Variants in JAK1 observed in about 807,000 individuals in gnomAD.
The protein encoded by JAK1 is tyrosine-protein kinase JAK1.
In JAK1, 16 loss-of-function variants were observed where a neutral mutation model predicts 136.6. That is an observed-to-expected ratio of 0.12 (90% CI 0.08 to 0.18). The LOEUF (loss-of-function observed/expected upper bound fraction) is 0.18. Ranked by LOEUF, JAK1 falls within the 10% of genes least tolerant of loss-of-function variation. JAK1 has a pLI of 1.00. For synonymous variants in JAK1, 492 were observed against 519.5 expected (o/e 0.95, Z 0.72); for missense variants, 859 against 1,450.1 (o/e 0.59, Z 6.62).
At chr1:64,853,042 T>C (rs911139578) in intron 11 of JAK1, among the ~76,000 whole-genome samples, 2 of 152,166 alleles carry the variant, frequency 1.3e-5, no homozygotes, top group African/African-American at 2.4e-5. Context: ...TTTTTATTTA[T>C]CCCATGAAGA....
chr1:65,033,527 C>A (rs1242787859), intron 2 of JAK1, among the ~76,000 whole-genome samples: 1 of 151,854 alleles, frequency 6.6e-6, no homozygotes, highest in Admixed American at 6.6e-5. Flanking sequence ...GAATACAACT[C>A]TTAAATTATA....
chr1:65,041,164 C>G (rs1647128751), intron 2 of JAK1, among the ~76,000 whole-genome samples: 1 of 152,122 alleles, frequency 6.6e-6, no homozygotes, highest in Non-Finnish European at 1.5e-5. Context: ...GCCTGGCTGT[C>G]GCACGGGTCG....
intron 1 of JAK1, among the ~76,000 whole-genome samples, chr1:64,958,914 T>C (rs772303990): frequency 3.3e-5 from 5 of 152,230 alleles, no homozygotes; most frequent in Non-Finnish European, 5.9e-5. Flanking sequence ...ATTTCTACTT[T>C]ATATTCAGAC....
chr1:65,001,114 G>T (rs1204856932), intron 2 of JAK1, among the ~76,000 whole-genome samples: 1 of 152,050 alleles, frequency 6.6e-6, no homozygotes, highest in African/African-American at 2.4e-5. Flanking sequence ...TGCTCTAGTT[G>T]GGCAGTGATT....
At chr1:64,913,936 C>A (rs1487614654) in intron 1 of JAK1, among the ~76,000 whole-genome samples, 6 of 152,144 alleles carry the variant, frequency 3.9e-5, no homozygotes, top group Non-Finnish European at 8.8e-5. Context: ...GTGGTCCTTT[C>A]ACAAAGTGCA....
intron 1 of JAK1, among the ~76,000 whole-genome samples, chr1:64,944,794 T>C (rs1331875778): frequency 2.7e-5 from 4 of 150,544 alleles, no homozygotes; most frequent in Non-Finnish European, 5.9e-5. Flanking sequence ...TTAACAAAGG[T>C]TGTGAGAGTC....
At chr1:64,886,751 TACACACACACACACACACACACAC>T (rs3838404) in intron 1 of JAK1, among the ~76,000 whole-genome samples, 2 of 138,864 alleles carry the variant, frequency 1.4e-5, no homozygotes, top group East Asian at 2.2e-4. Context: ...CAACCTTGTC[TACACACACACACACACACACACAC>T]ACACACACAC....
chr1:64,872,624 G>C (rs924869574), intron 5 of JAK1, among the ~76,000 whole-genome samples: 3 of 152,190 alleles, frequency 2.0e-5, no homozygotes, highest in Admixed American at 1.3e-4. Context: ...CATCTTAGCA[G>C]GTACAAGTGC....
intron 1 of JAK1, among the ~76,000 whole-genome samples, chr1:64,932,710 G>A (rs144381472): frequency 6.6e-6 from 1 of 151,980 alleles, no homozygotes; most frequent in Non-Finnish European, 1.5e-5. Flanking sequence ...TAACGCTATG[G>A]TTTGTTTTTT....
intron 15 of JAK1, among the ~76,000 whole-genome samples, 156 bp from the exon 16 acceptor site, chr1:64,845,045 C>T (rs1402471639): frequency 6.6e-6 from 1 of 152,234 alleles, no homozygotes; most frequent in Non-Finnish European, 1.5e-5. Context: ...AGGCACATCA[C>T]AGGTGCCCCT....
chr1:65,056,806 C>G (rs1240308828), intron 1 of JAK1, among the ~76,000 whole-genome samples: 1 of 151,924 alleles, frequency 6.6e-6, no homozygotes, highest in Non-Finnish European at 1.5e-5. Context: ...CACCTGTAAT[C>G]CCAGCTACTC....
In JAK1 at chr1:64,869,786, C is replaced by T. The variant is rs151268587; in HGVS notation, c.484-312G>A. 1.7e-4 allele frequency among the ~76,000 whole-genome samples: 26 copies of T among 152,274 alleles called. No homozygotes were observed. The East Asian group carries it at 4.4e-3, about 26-fold the overall frequency. ...AACACTGTGTACTAGGCCTGGACTG[C>T]GCCAGAGCAAGGGAAGGTGACACTG... On this transcript the variant is annotated intron_variant, in intron 5 of 24. Transcript: ENST00000342505.
intron 2 of JAK1, among the ~76,000 whole-genome samples, chr1:65,001,196 A>C (rs1646752995): frequency 6.6e-6 from 1 of 152,212 alleles, no homozygotes; most frequent in Non-Finnish European, 1.5e-5. Context: ...TCATTCGCCG[A>C]TTTCACTTTT....
chr1:64,971,058 A>T (rs1646447781), upstream of JAK1, among the ~76,000 whole-genome samples: 1 of 152,228 alleles, frequency 6.6e-6, no homozygotes, highest in Non-Finnish European at 1.5e-5. Flanking sequence ...TTAGATGCAA[A>T]CAATGATGTT....
intron 2 of JAK1, among the ~76,000 whole-genome samples, chr1:64,988,982 ATGTG>A (rs1244529592): frequency 8.6e-5 from 11 of 128,584 alleles, no homozygotes; most frequent in African/African-American, 2.0e-4. Context: ...ATATATGTAT[ATGTG>A]TGTGTGTGTG....
chr1:64,856,931 C>G, intron 10 of JAK1, among the ~76,000 whole-genome samples: 1 of 152,222 alleles, frequency 6.6e-6, no homozygotes, highest in East Asian at 1.9e-4. Flanking sequence ...GGAGCCTAAC[C>G]AGTACTGATT....
At chr1:64,891,359 GT>G (rs1644933466) in intron 1 of JAK1, among the ~76,000 whole-genome samples, 1 of 152,136 alleles carries the variant, frequency 6.6e-6, no homozygotes, top group Non-Finnish European at 1.5e-5. Context: ...GTCTTCTCTG[GT>G]TTTTTAGTAC....
At chr1:64,860,929 CGTGTGT>C (rs577274261) in intron 8 of JAK1, among the ~76,000 whole-genome samples, 1,240 of 47,970 alleles carry the variant, frequency 0.026, 50 homozygotes, top group African/African-American at 0.038. Flanking sequence ...CCCCTGGGTC[CGTGTGT>C]GTGTGTGTGT....
rs2100999687 is a variant in JAK1, at chr1:64,845,495, A to T, written c.2115+18T>A. ...CTGGTTTCTGGTGGGACCATTATGG[A>T]CATCAGGACATTCTCACCAAGTAGC... On this transcript the variant is annotated intron_variant, in intron 15 of 24. Coordinates refer to ENST00000342505, the MANE Select transcript of JAK1 (RefSeq NM_002227.4). 1 of 1,614,038 alleles carries T rather than the reference A, an allele frequency of 6.2e-7. No individual in the cohort carries two copies. The highest frequency in any genetic ancestry group is 8.5e-7 in the Non-Finnish European group (1 of 1,179,918).
Sources: allele counts gnomAD v4.1 joint callset (sites outside exome capture counted in the v4.1 genomes callset), GRCh38; gene constraint gnomAD v4.1.1; transcripts MANE v1.5; gene names NCBI Gene and HGNC (gene_info 2026-07-23, HGNC 2026-07-21).